Variants in TESK2 observed in about 807,000 individuals in gnomAD.
TESK2 encodes testis associated actin remodelling kinase 2.
Under a neutral mutation model 57.1 loss-of-function variants are expected in TESK2, and 39 were observed. The ratio of observed to expected loss-of-function variants is 0.68; its 90% CI spans 0.53 to 0.89. TESK2 has a LOEUF of 0.89. Ranked by LOEUF, TESK2 falls within the 40% of genes least tolerant of loss-of-function variation. TESK2 has a pLI of 0.00. For missense variants in TESK2, 646 were observed against 732.1 expected (o/e 0.88, Z 1.36); for synonymous variants, 249 against 267.9 (o/e 0.93, Z 0.69).
intron 2 of TESK2, among the ~76,000 whole-genome samples, chr1:45,434,363 C>T (rs1449341996): frequency 7.2e-5 from 11 of 151,952 alleles, no homozygotes; most frequent in African/African-American, 2.2e-4. Flanking sequence ...GGCATGATCA[C>T]AGCTCACTCT....
chr1:45,440,451 T>C (rs137973291), intron 2 of TESK2, among the ~76,000 whole-genome samples: 52 of 152,112 alleles, frequency 3.4e-4, no homozygotes, highest in African/African-American at 1.2e-3. Context: ...CGGTGGCTCA[T>C]GCCCGTAATC....
intron 1 of TESK2, among the ~76,000 whole-genome samples, chr1:45,465,913 G>C (rs1281012114): frequency 6.6e-6 from 1 of 152,032 alleles, no homozygotes; most frequent in Non-Finnish European, 1.5e-5. Context: ...GAGTTGGGGA[G>C]AAAAGCAAGT....
At position 45,347,101 on chromosome 1, in the gene TESK2, T is replaced by C. The variant is rs1183453772; in HGVS notation, c.709-39A>G. The C allele has an allele frequency of 4.4e-6, 7 of 1,589,466 alleles. No homozygotes were observed. The Admixed American group carries it at 1.0e-4, about 23-fold the overall frequency. ...GGACTTTGGTTTCCCTCTTAATGGG[T>C]TGAGGGGTAGGGTATCTGCCCCTGC... On this transcript the variant is annotated intron_variant, in intron 7 of 10. Transcript: ENST00000372086.
intron 4 of TESK2, among the ~76,000 whole-genome samples, chr1:45,365,042 A>G (rs1213806358): frequency 2.0e-5 from 3 of 152,184 alleles, no homozygotes; most frequent in African/African-American, 7.2e-5. Context: ...TGTGCTGGCC[A>G]CCGTATGTTT....
intron 1 of TESK2, among the ~76,000 whole-genome samples, chr1:45,468,127 G>A (rs769862532): frequency 1.3e-5 from 2 of 150,576 alleles, no homozygotes; most frequent in Non-Finnish European, 2.9e-5. Flanking sequence ...AGTGAGCCGT[G>A]TTTGGGCTAC....
intron 1 of TESK2, among the ~76,000 whole-genome samples, chr1:45,473,686 A>G (rs2149305218): frequency 6.6e-6 from 1 of 152,340 alleles, no homozygotes; most frequent in East Asian, 1.9e-4. Context: ...AGTACACACT[A>G]CTATGTTCAA....
chr1:45,482,980 C>CAA (rs71052882), intron 1 of TESK2, among the ~76,000 whole-genome samples: 3 of 121,618 alleles, frequency 2.5e-5, no homozygotes, highest in African/African-American at 9.5e-5. Context: ...AACTCCAATT[C>CAA]AAAAAAAAAA....
chr1:45,355,048 C>T (rs1647363182), intron 5 of TESK2, among the ~76,000 whole-genome samples: 2 of 151,606 alleles, frequency 1.3e-5, no homozygotes, highest in South Asian at 2.1e-4. Flanking sequence ...TGGTAATATA[C>T]ACTTCTAGTC....
intron 1 of TESK2, among the ~76,000 whole-genome samples, chr1:45,487,936 CTT>C (rs1032421456): frequency 7.0e-6 from 1 of 143,660 alleles, no homozygotes; most frequent in Non-Finnish European, 1.5e-5. Context: ...TTTTTTTTTG[CTT>C]TTTTTTTTTT....
chr1:45,430,856 G>C (rs1418973165), intron 2 of TESK2, among the ~76,000 whole-genome samples: 2 of 152,090 alleles, frequency 1.3e-5, no homozygotes, highest in Admixed American at 1.3e-4. Context: ...CAGAAATAGA[G>C]GTTGCGTTAT....
chr1:45,388,962 T>C (rs1197318474), intron 3 of TESK2, among the ~76,000 whole-genome samples: 2 of 152,004 alleles, frequency 1.3e-5, no homozygotes, highest in African/African-American at 2.4e-5. Flanking sequence ...CCTTGTGATC[T>C]GCCCGTCTCA....
intron 2 of TESK2, among the ~76,000 whole-genome samples, chr1:45,433,278 C>T (rs376204559): frequency 1.7e-4 from 25 of 149,700 alleles, no homozygotes; most frequent in East Asian, 1.6e-3. Context: ...AGGGTTTTGC[C>T]ATGTTGGCCA....
At chr1:45,475,005 G>A (rs1399248667) in intron 1 of TESK2, among the ~76,000 whole-genome samples, 1 of 148,786 alleles carries the variant, frequency 6.7e-6, no homozygotes, top group Non-Finnish European at 1.5e-5. Flanking sequence ...ACCACTTGGG[G>A]CAGAAAGGCA....
At position 45,404,867 on chromosome 1, in the gene TESK2, AATAAAG is replaced by A. The variant is rs1649772558; in HGVS notation, c.344+16852_344+16857del. On this transcript the variant is annotated intron_variant, in intron 3 of 10. Transcript: ENST00000372086. ...CTATTTCTATTTTAGAGATAAGAAA[AATAAAG>A]ATTAAGTGGCTCACCTAAGGGCACA... is the stretch of plus-strand genomic sequence containing the variant. Among the ~76,000 whole-genome samples, 12 of 152,154 alleles carry A rather than the reference AATAAAG, an allele frequency of 7.9e-5. 1 individual carries two copies. The South Asian group carries it at 2.5e-3, about 32-fold the overall frequency.
chr1:45,367,263 TCAA>T (rs937467213), intron 4 of TESK2, among the ~76,000 whole-genome samples: 5 of 152,200 alleles, frequency 3.3e-5, no homozygotes, highest in Non-Finnish European at 7.3e-5. Flanking sequence ...AGTGTTATAT[TCAA>T]AAAAACCAAT....
At chr1:45,408,998 GCC>G (rs1357165158) in intron 3 of TESK2, among the ~76,000 whole-genome samples, 1 of 152,142 alleles carries the variant, frequency 6.6e-6, no homozygotes, top group East Asian at 1.9e-4. Flanking sequence ...ACTTTGAATA[GCC>G]CTCTTATTTT....
intron 2 of TESK2, among the ~76,000 whole-genome samples, chr1:45,436,777 T>G (rs1325744763): frequency 6.7e-6 from 1 of 149,982 alleles, no homozygotes; most frequent in Non-Finnish European, 1.5e-5. Context: ...CATGAGCCAC[T>G]GTGCCCAGCC....
chr1:45,458,588 T>C (rs1652209151), intron 1 of TESK2, among the ~76,000 whole-genome samples: 1 of 150,756 alleles, frequency 6.6e-6, no homozygotes, highest in Non-Finnish European at 1.5e-5. Flanking sequence ...AAAATTGAAG[T>C]GCAAAGCCTG....
intron 1 of TESK2, among the ~76,000 whole-genome samples, chr1:45,484,886 C>A (rs1454197809): frequency 6.6e-6 from 1 of 151,554 alleles, no homozygotes; most frequent in African/African-American, 2.4e-5. Flanking sequence ...AAAAAATTAG[C>A]CGGGCCTGGT....
Sources: gnomAD v4.1 joint callset for allele counts (sites outside exome capture counted in the v4.1 genomes callset) on GRCh38, gnomAD v4.1.1 for gene constraint, MANE v1.5 for transcripts, NCBI Gene and HGNC (gene_info 2026-07-23, HGNC 2026-07-21) for gene names.